The following MYLK4 variants were observed in gnomAD, a reference collection of about 807,000 sequenced individuals.
MYLK4 encodes the protein myosin light chain kinase family member 4.
MYLK4 carries 46 observed loss-of-function variants against 48.1 expected under a neutral mutation model. That is an observed-to-expected ratio of 0.96 (90% CI 0.75 to 1.22). The LOEUF (loss-of-function observed/expected upper bound fraction) is 1.22. Among genes scored for constraint, MYLK4 ranks in the 50% most tolerant of loss-of-function variants. MYLK4 has a pLI of 0.00. For synonymous variants in MYLK4, 170 were observed against 180.8 expected (o/e 0.94, Z 0.48); for missense variants, 451 against 486.1 (o/e 0.93, Z 0.68).
At chr6:2,674,282 C>T (rs908893602) in intron 11 of MYLK4, among the ~76,000 whole-genome samples, 1 of 152,098 alleles carries the variant, frequency 6.6e-6, no homozygotes, top group Non-Finnish European at 1.5e-5. Context: ...GTATAGATAC[C>T]CGGACTAAGC....
rs56959282 is a variant in MYLK4, at chr6:2,699,287, C to CTTTTTTTTTTTTTTTTTTTTTT, written c.160-6450_160-6429dup. Among the ~76,000 whole-genome samples, 256 of 77,892 alleles carry CTTTTTTTTTTTTTTTTTTTTTT rather than the reference C, an allele frequency of 3.3e-3. 35 individuals carry two copies. Among genetic ancestry groups the CTTTTTTTTTTTTTTTTTTTTTT allele is most frequent in the East Asian group, 6.9e-3 (14 of 2,032 alleles). 51.1% of individuals were successfully genotyped at this position (77,892 alleles called of 152,430 possible). On this transcript the variant is annotated intron_variant, in intron 2 of 12. Transcript: ENST00000274643. ...CATGCTACCACTTTTCTTTTCTTTT[C>CTTTTTTTTTTTTTTTTTTTTTT]TTTTTTTTTTTTTTTTTTTTTTGAT...
At chr6:2,724,482 C>T (rs763757496) in intron 2 of MYLK4, among the ~76,000 whole-genome samples, 8 of 152,134 alleles carry the variant, frequency 5.3e-5, no homozygotes, top group Non-Finnish European at 1.2e-4. Flanking sequence ...TCACTTGGTG[C>T]TGGAGAAAGG....
intron 2 of MYLK4, among the ~76,000 whole-genome samples, chr6:2,724,169 T>C: frequency 6.6e-6 from 1 of 152,188 alleles, no homozygotes; most frequent in East Asian, 1.9e-4. Flanking sequence ...TGAGCCACCA[T>C]GCCTGGCTGA....
intron 2 of MYLK4, among the ~76,000 whole-genome samples, chr6:2,693,754 T>G (rs540684051): frequency 1.9e-5 from 2 of 105,228 alleles, no homozygotes; most frequent in South Asian, 7.0e-4. Context: ...ATTGCAAATG[T>G]GCTTTTTTTT....
intron 2 of MYLK4, among the ~76,000 whole-genome samples, chr6:2,714,938 C>A (rs1762813230): frequency 6.6e-6 from 1 of 152,164 alleles, no homozygotes; most frequent in South Asian, 2.1e-4. Flanking sequence ...TTGCCAGGGG[C>A]TGGGGTCAGG....
chr6:2,744,224 C>T (rs181703157), intron 2 of MYLK4: 2 of 389,564 alleles, frequency 5.1e-6, no homozygotes, highest in Non-Finnish European at 9.1e-6. Context: ...AATAATCTGC[C>T]TCTTTAAAAG....
rs1324388606 is a variant in MYLK4, at chr6:2,663,923, G to A, written c.*4002C>T. The A allele has an allele frequency of 6.6e-6, 1 of 152,276 alleles. No individual in the cohort carries two copies. Among genetic ancestry groups the A allele is most frequent in the Non-Finnish European group, 1.5e-5 (1 of 68,046 alleles). The allele number at this position is 152,276 out of a possible 1,614,324, so 9.4% of individuals were successfully genotyped here. On this transcript the variant is annotated 3_prime_UTR_variant, in exon 13 of 13. Transcript: ENST00000274643. ...TGCTTTCTGCTCTTCTGAATGGGTA[G>A]TAGTGGTTGAGTTATAAGCCTTCAT...
In MYLK4 at chr6:2,674,743, C is replaced by T. The variant is rs540682748; in HGVS notation, c.1119+304G>A. Among the ~76,000 whole-genome samples the T allele has an allele frequency of 1.1e-3, 168 of 152,118 alleles. 1 individual carries two copies. Among genetic ancestry groups the T allele is most frequent in the Non-Finnish European group, 2.0e-3 (133 of 67,992 alleles). ...AAAATTAGCCAGGCATGGTGGCACA[C>T]GCCTGTAATCCCAGCTACCTGTGAG... On this transcript the variant is annotated intron_variant, in intron 11 of 12. Coordinates refer to ENST00000274643, the MANE Select transcript of MYLK4 (RefSeq NM_001012418.5).
At chr6:2,763,867 T>C in the MYLK4 span, among the ~76,000 whole-genome samples, 1 of 150,050 alleles carries the variant, frequency 6.7e-6, no homozygotes, top group African/African-American at 2.4e-5. Flanking sequence ...AAGCTCACGG[T>C]CGGGCGCAGT....
intron 2 of MYLK4, among the ~76,000 whole-genome samples, chr6:2,710,425 C>T (rs1486250194): frequency 6.6e-6 from 1 of 152,186 alleles, no homozygotes; most frequent in Non-Finnish European, 1.5e-5. Flanking sequence ...AGGAAACCAA[C>T]CATCAGGTCT....
intron 2 of MYLK4, among the ~76,000 whole-genome samples, chr6:2,712,539 C>T (rs11754709): frequency 0.2 from 29,969 of 152,182 alleles, 3,253 homozygotes; most frequent in African/African-American, 0.28. Flanking sequence ...CTATGACATT[C>T]ATGTTTTGAG....
At chr6:2,686,557 G>A (rs1761558738) in intron 4 of MYLK4, among the ~76,000 whole-genome samples, 1 of 152,180 alleles carries the variant, frequency 6.6e-6, no homozygotes, top group Non-Finnish European at 1.5e-5. Context: ...CTCTGCAATG[G>A]TGGATGTCAC....
chr6:2,692,712 T>A, intron 3 of MYLK4, 72 bp downstream of exon 3: 1 of 1,350,096 alleles, frequency 7.4e-7, no homozygotes, highest in Non-Finnish European at 1.0e-6. Flanking sequence ...TGCAACTTCC[T>A]CTGAATAACA....
At chr6:2,746,979 G>A (rs1764114598) in intron 2 of MYLK4, among the ~76,000 whole-genome samples, 1 of 152,226 alleles carries the variant, frequency 6.6e-6, no homozygotes, top group Non-Finnish European at 1.5e-5. Flanking sequence ...TCTGACACAT[G>A]CACCTATCCA....
intron 2 of MYLK4, among the ~76,000 whole-genome samples, chr6:2,706,342 T>C (rs999906106): frequency 2.0e-5 from 3 of 148,994 alleles, no homozygotes; most frequent in Non-Finnish European, 4.5e-5. Flanking sequence ...TTCGTCACTC[T>C]AAAGTGACTT....
intron 2 of MYLK4, among the ~76,000 whole-genome samples, chr6:2,722,845 A>G (rs973356544): frequency 5.3e-5 from 8 of 152,210 alleles, no homozygotes; most frequent in Non-Finnish European, 7.3e-5. Context: ...ATTTTTAAGT[A>G]AAAATATTTT....
intron 2 of MYLK4, among the ~76,000 whole-genome samples, chr6:2,721,518 T>C (rs974750321): frequency 7.1e-6 from 1 of 140,362 alleles, no homozygotes; most frequent in African/African-American, 2.7e-5. Flanking sequence ...ACACCGTCTA[T>C]GACTTTTATT....
intron 2 of MYLK4, among the ~76,000 whole-genome samples, chr6:2,724,146 G>A (rs1048162011): frequency 5.3e-5 from 8 of 152,222 alleles, no homozygotes; most frequent in Admixed American, 3.9e-4. Context: ...CCAAAGTGCC[G>A]TGATTACAGG....
the MYLK4 span, among the ~76,000 whole-genome samples, chr6:2,769,284 T>TTCTG: frequency 6.6e-6 from 1 of 152,174 alleles, no homozygotes; most frequent in Admixed American, 6.5e-5. Flanking sequence ...AATCGGTATT[T>TTCTG]TCTGTAACTC....
Sources: gnomAD v4.1 joint callset for allele counts (sites outside exome capture counted in the v4.1 genomes callset) on GRCh38, gnomAD v4.1.1 for gene constraint, MANE v1.5 for transcripts, NCBI Gene and HGNC (gene_info 2026-07-23, HGNC 2026-07-21) for gene names.